The following QSOX1 variants were observed in gnomAD, a reference collection of about 807,000 sequenced individuals.
The protein encoded by QSOX1 is quiescin sulfhydryl oxidase 1.
Under a neutral mutation model 76.1 loss-of-function variants are expected in QSOX1, and 40 were observed. The ratio of observed to expected loss-of-function variants is 0.53; its 90% CI spans 0.41 to 0.68. QSOX1 has a LOEUF of 0.68. QSOX1 is among the 30% of genes least tolerant of loss of function. The pLI is 0.00. For synonymous variants in QSOX1, 392 were observed against 413.1 expected, an observed-to-expected ratio of 0.95 and a Z score of 0.62; for missense variants, 931 against 974.3, an observed-to-expected ratio of 0.96 and a Z score of 0.59.
At chr1:180,189,458 C>A in intron 8 of QSOX1, 94 bp from the exon 9 acceptor site, 1 of 818,952 alleles carries the variant, frequency 1.2e-6, no homozygotes, top group South Asian at 3.6e-5. Flanking sequence ...CCCCCGCCCC[C>A]CGCCTTCTTC....
intron 8 of QSOX1, among the ~76,000 whole-genome samples, chr1:180,187,588 C>T (rs1199924289): frequency 3.3e-5 from 5 of 152,226 alleles, no homozygotes; most frequent in Non-Finnish European, 7.3e-5. Flanking sequence ...TTTTCTTTGT[C>T]CCCAGTGGGG....
chr1:180,177,122 T>C lies in QSOX1; in HGVS notation c.515+1089T>C, dbSNP rs548572868. Among the ~76,000 whole-genome samples, 3 of 152,324 alleles carry C rather than the reference T, an allele frequency of 2.0e-5. No homozygotes were observed. The South Asian group carries it at 6.2e-4, about 32-fold the overall frequency. ...TGTGCCCTGGTCCTTGCTGCTTCTA[T>C]TTCTCAATGACTGTGTTTCCATCTC... On this transcript the variant is annotated intron_variant, in intron 4 of 11. Coordinates refer to ENST00000367602, the MANE Select transcript of QSOX1 (RefSeq NM_002826.5).
chr1:180,164,489 T>G (rs1662566066), intron 1 of QSOX1, among the ~76,000 whole-genome samples: 1 of 150,664 alleles, frequency 6.6e-6, no homozygotes. Flanking sequence ...GCAAGAAAGG[T>G]GGGGGAAAGA....
In QSOX1 at chr1:180,203,469, A is replaced by C. The variant is rs956832671; in HGVS notation, c.*6432A>C. The C allele has an allele frequency of 2.0e-5, 3 of 152,234 alleles. No individual in the cohort carries two copies. Among genetic ancestry groups the C allele is most frequent in the Non-Finnish European group, 2.9e-5 (2 of 68,038 alleles). 9.4% of individuals were successfully genotyped at this position (152,234 alleles called of 1,614,324 possible). A position where few individuals can be genotyped will look rare whatever the true frequency, so the allele number is the denominator to read the frequency against. On this transcript the variant is annotated 3_prime_UTR_variant, in exon 12 of 12. Transcript: ENST00000367602. ...CACAACTGCAGAGCCCCTGACAGTG[A>C]GTGTCTCAGTAGCCTCGCCCTAGTC...
rs1391369909 is a variant in QSOX1 at position 180,203,255 on chromosome 1, TAA to T, written c.*6219_*6220del. The stretch of plus-strand genomic sequence containing the variant: ...CAAGAAGGACACATTTTTATAAACA[TAA>T]GTTACTATTGTTATATATATGCTAA... On this transcript the variant is annotated 3_prime_UTR_variant, in exon 12 of 12. Coordinates refer to ENST00000367602, the MANE Select transcript of QSOX1 (RefSeq NM_002826.5). 3.3e-5 allele frequency: 5 copies of T among 152,284 alleles called. No homozygotes were observed. The highest frequency in any genetic ancestry group is 2.1e-4 in the South Asian group (1 of 4,830). The allele number at this position is 152,284 out of a possible 1,614,324, so 9.4% of individuals were successfully genotyped here.
chr1:180,177,483 C>T (rs896273060), intron 4 of QSOX1, among the ~76,000 whole-genome samples: 3 of 152,172 alleles, frequency 2.0e-5, no homozygotes, highest in African/African-American at 7.2e-5. Flanking sequence ...TCAAACACCT[C>T]AGCTCAGGCA....
chr1:180,190,619 C>A, intron 10 of QSOX1, 39 bp downstream of exon 10: 1 of 1,582,916 alleles, frequency 6.3e-7, no homozygotes, highest in Non-Finnish European at 8.6e-7. Context: ...TGCCTCCAAC[C>A]CTGCTCTGTT....
At chr1:180,186,436 C>G (rs573514415) in intron 8 of QSOX1, among the ~76,000 whole-genome samples, 14 of 152,272 alleles carry the variant, frequency 9.2e-5, no homozygotes, top group South Asian at 2.1e-4. Context: ...CCGTGCCCCC[C>G]ACCTGGGGAT....
chr1:180,171,640 A>T (rs1484230411), intron 2 of QSOX1, among the ~76,000 whole-genome samples: 2 of 152,202 alleles, frequency 1.3e-5, no homozygotes, highest in African/African-American at 4.8e-5. Flanking sequence ...AGATTGAGCA[A>T]CTTCTTTGTG....
intron 7 of QSOX1, 52 bp downstream of exon 7, chr1:180,184,102 C>T (rs946235376): frequency 1.3e-6 from 2 of 1,590,760 alleles, no homozygotes; most frequent in Admixed American, 1.7e-5. Context: ...TGATCACAGA[C>T]CACCACACCT....
At chr1:180,187,511 A>G (rs1304779296) in intron 8 of QSOX1, among the ~76,000 whole-genome samples, 1 of 152,188 alleles carries the variant, frequency 6.6e-6, no homozygotes, top group Non-Finnish European at 1.5e-5. Context: ...GTACTCTCCA[A>G]AGGAGTCACC....
At position 180,197,373 on chromosome 1, in the gene QSOX1, C is replaced by G. The variant is rs1331897016; in HGVS notation, c.*336C>G. On this transcript the variant is annotated 3_prime_UTR_variant, in exon 12 of 12. Coordinates refer to ENST00000367602, the MANE Select transcript of QSOX1 (RefSeq NM_002826.5). The stretch of plus-strand genomic sequence containing the variant: ...GCCTCATTCTCACTGGAGCCTCAGT[C>G]TCTCCTGCTTGGTCTTGGCCCTCAA... 6.2e-7 allele frequency: 1 copy of G among 1,613,730 alleles called. No homozygotes were observed. The highest frequency in any genetic ancestry group is 8.5e-7 in the Non-Finnish European group (1 of 1,179,984).
At chr1:180,164,427 A>C (rs1662563919) in intron 1 of QSOX1, among the ~76,000 whole-genome samples, 2 of 150,006 alleles carry the variant, frequency 1.3e-5, no homozygotes, top group African/African-American at 2.5e-5. Flanking sequence ...CCCCCCACCC[A>C]CCTCCCTCCT....
chr1:180,191,866 G>T (rs1663323353), intron 10 of QSOX1, among the ~76,000 whole-genome samples: 1 of 152,062 alleles, frequency 6.6e-6, no homozygotes, highest in African/African-American at 2.4e-5. Context: ...GACGTCTGTT[G>T]TCTGAGTTCT....
In QSOX1 at chr1:180,197,563, T is replaced by A; in HGVS notation, c.*526T>A. The A allele has an allele frequency of 1.6e-6, 1 of 631,564 alleles. No homozygotes were observed. The highest frequency in any genetic ancestry group is 2.7e-6 in the Non-Finnish European group (1 of 371,116). The allele number at this position is 631,564 out of a possible 1,614,324, so 39.1% of individuals were successfully genotyped here. On this transcript the variant is annotated 3_prime_UTR_variant, in exon 12 of 12. Transcript: ENST00000367602. ...CCGGGCCCTCTATGCCTGGCCAGCC[T>A]CCAGCTCCTCAGACCTCCTGGGTGG... is the stretch of plus-strand genomic sequence containing the variant.
intron 2 of QSOX1, among the ~76,000 whole-genome samples, chr1:180,172,289 G>A (rs1049698732): frequency 7.9e-5 from 12 of 152,172 alleles, no homozygotes; most frequent in African/African-American, 1.7e-4. Context: ...CCTGAAGAGC[G>A]TGAGGCGTGG....
intron 6 of QSOX1, among the ~76,000 whole-genome samples, chr1:180,183,615 G>T (rs1363103299): frequency 6.6e-6 from 1 of 152,210 alleles, no homozygotes; most frequent in Non-Finnish European, 1.5e-5. Flanking sequence ...GCCTTTCCAT[G>T]CCCTGCCTGG....
intron 4 of QSOX1, among the ~76,000 whole-genome samples, chr1:180,176,599 G>A (rs1662900444): frequency 6.6e-6 from 1 of 152,196 alleles, no homozygotes; most frequent in Non-Finnish European, 1.5e-5. Context: ...AAGCTTCCCA[G>A]CTTGCCTCTT....
intron 6 of QSOX1, among the ~76,000 whole-genome samples, chr1:180,182,575 T>G (rs1372266454): frequency 6.6e-6 from 1 of 151,984 alleles, no homozygotes; most frequent in African/African-American, 2.4e-5. Flanking sequence ...GCCTGCACCC[T>G]CATTACGTCC....
Sources: allele counts gnomAD v4.1 joint callset (sites outside exome capture counted in the v4.1 genomes callset), GRCh38; gene constraint gnomAD v4.1.1; transcripts MANE v1.5; gene names NCBI Gene and HGNC (gene_info 2026-07-23, HGNC 2026-07-21).